MYO1F: variants seen among roughly 807,000 people sequenced by gnomAD.
The protein encoded by MYO1F is myosin IF, also known as unconventional myosin-If.
In MYO1F, 60 loss-of-function variants were observed where a neutral mutation model predicts 146.6. That is an observed-to-expected ratio of 0.41 (90% confidence interval 0.33 to 0.51). The LOEUF (loss-of-function observed/expected upper bound fraction) is 0.51. Among genes scored for constraint, MYO1F ranks in the 20% least tolerant of loss-of-function variants. The pLI, the probability that MYO1F is intolerant of heterozygous loss-of-function variation, is 0.25. For synonymous variants in MYO1F, 602 were observed against 602.1 expected (o/e 1.00, Z 0.00); for missense variants, 1,274 against 1,534.3 (o/e 0.83, Z 2.83).
intron 17 of MYO1F, 97 bp downstream of exon 17, chr19:8,536,852 G>A (rs1018708343): frequency 3.5e-6 from 3 of 853,746 alleles, no homozygotes; most frequent in African/African-American, 1.7e-5. Context: ...TAGTCCCTGG[G>A]TCATCCTACA....
At chr19:8,546,801 C>T (rs1281034575) in intron 12 of MYO1F, among the ~76,000 whole-genome samples, 1 of 152,210 alleles carries the variant, frequency 6.6e-6, no homozygotes. Context: ...GCCTCAGACT[C>T]CTGAGTAGCT....
intron 1 of MYO1F, among the ~76,000 whole-genome samples, chr19:8,574,577 T>TTCTTTCTTTCTCTC (rs1335184271): frequency 1.3e-3 from 107 of 79,734 alleles, no homozygotes; most frequent in South Asian, 2.9e-3. Flanking sequence ...CTTTCTTTCT[T>TTCTTTCTTTCTCTC]TCTCTCTCTC....
chr19:8,553,890 A>ACT (rs750034709), intron 4 of MYO1F, among the ~76,000 whole-genome samples: 18 of 57,820 alleles, frequency 3.1e-4, no homozygotes, highest in Non-Finnish European at 4.4e-4. Context: ...ACACACACAC[A>ACT]CACACTCTCT....
chr19:8,548,527 C>A (rs958726781), intron 10 of MYO1F, among the ~76,000 whole-genome samples: 9 of 152,070 alleles, frequency 5.9e-5, no homozygotes, highest in African/African-American at 2.2e-4. Context: ...ACCCAAGTGT[C>A]AGTGTATCAG....
At chr19:8,558,209 G>GC (rs1973937083) in intron 1 of MYO1F, among the ~76,000 whole-genome samples, 1 of 151,892 alleles carries the variant, frequency 6.6e-6, no homozygotes, top group African/African-American at 2.4e-5. Flanking sequence ...TGTCACCCAG[G>GC]CTGGAGTGCA....
At position 8,529,985 on chromosome 19, in the gene MYO1F, G is replaced by C. The variant is rs1972414213; in HGVS notation, c.2328+211C>G. 3 of 681,984 alleles carry C rather than the reference G, an allele frequency of 4.4e-6. No homozygotes were observed. The Admixed American group carries it at 6.4e-5, about 15-fold the overall frequency. 42.2% of individuals were successfully genotyped at this position (681,984 alleles called of 1,614,324 possible). On this transcript the variant is annotated intron_variant, in intron 21 of 27. Transcript: ENST00000644032. ...CCTATGGACAGGTGTGTCTGTGCCA[G>C]GTGAGGGTATACCTGTGATGGAACA...
intron 1 of MYO1F, among the ~76,000 whole-genome samples, chr19:8,565,004 C>G (rs942245034): frequency 2.0e-5 from 3 of 151,958 alleles, no homozygotes; most frequent in African/African-American, 7.2e-5. Flanking sequence ...AACTCCCAAC[C>G]TCAGGTGATC....
In MYO1F at chr19:8,544,476, G is replaced by A. The variant is rs1599959340; in HGVS notation, c.1357-12C>T. 2.5e-6 allele frequency: 4 copies of A among 1,604,146 alleles called. No homozygotes were observed. The highest frequency in any genetic ancestry group is 2.2e-5 in the East Asian group (1 of 44,800). On this transcript the variant is annotated splice_polypyrimidine_tract_variant and intron_variant, in intron 13 of 27. Coordinates refer to ENST00000644032, the MANE Select transcript of MYO1F (RefSeq NM_012335.4). ...ATGCCTGGGGGGCTCTGCGGGGCGA[G>A]CGGGAGCCAGCAGCGGCTCAGTTTG...
intron 14 of MYO1F, among the ~76,000 whole-genome samples, chr19:8,542,824 C>T (rs1203740976): frequency 2.6e-5 from 4 of 151,158 alleles, no homozygotes; most frequent in East Asian, 2.0e-4. Context: ...AGGATGGTCT[C>T]GATCTCCTGA....
At chr19:8,528,583 A>G (rs1972360731) in intron 21 of MYO1F, among the ~76,000 whole-genome samples, 2 of 149,798 alleles carry the variant, frequency 1.3e-5, no homozygotes, top group South Asian at 2.1e-4. Flanking sequence ...AAAGAAAAAC[A>G]AAAAAGAAAC....
chr19:8,536,344 G>A lies in MYO1F; in HGVS notation c.1951C>T (p.Gln651Ter). The stretch of plus-strand genomic sequence containing the variant: ...GCCCGAAGCAGGTGCTGGACGCCCT[G>A]GCGTTCGTCCCCACGCCACCGCGGC... ...TWPRWRGDER[Q>*]GVQHLLRAVN... Residue 651 changes from glutamine (Q) to a stop codon, truncating the protein, a stop_gained, in exon 19 of 28, where the codon CAG becomes TAG. Coordinates refer to ENST00000644032, the MANE Select transcript of MYO1F (RefSeq NM_012335.4). LOFTEE classifies it high-confidence loss of function. 2 of 1,607,176 alleles carry A rather than the reference G, an allele frequency of 1.2e-6. No homozygotes were observed. Among genetic ancestry groups the A allele is most frequent in the Non-Finnish European group, 1.7e-6 (2 of 1,179,916 alleles).
chr19:8,531,023 A>G (rs1026985220), intron 19 of MYO1F, among the ~76,000 whole-genome samples: 10 of 151,902 alleles, frequency 6.6e-5, no homozygotes, highest in African/African-American at 2.2e-4. Context: ...CAGCCTGGAC[A>G]ACAAGAGTGA....
chr19:8,561,468 CTCTT>C (rs145645587), intron 1 of MYO1F, among the ~76,000 whole-genome samples: 6,898 of 128,532 alleles, frequency 0.054, 268 homozygotes, highest in South Asian at 0.13. Context: ...CCCTCTCTCT[CTCTT>C]TCTTTTTCTC....
chr19:8,543,687 G>GGTGGTGC (rs1973096307), intron 14 of MYO1F, among the ~76,000 whole-genome samples: 12 of 48,656 alleles, frequency 2.5e-4, no homozygotes, highest in African/African-American at 1.5e-3. Context: ...GGTGGTGGTG[G>GGTGGTGC]TGGTGGTGGT....
intron 1 of MYO1F, among the ~76,000 whole-genome samples, chr19:8,558,383 C>CT (rs1354056374): frequency 6.6e-6 from 1 of 151,930 alleles, no homozygotes; most frequent in Admixed American, 6.6e-5. Flanking sequence ...TCAGGCTGGT[C>CT]TTTAACTTCT....
At chr19:8,545,177 TC>T (rs1973289748) in intron 13 of MYO1F, among the ~76,000 whole-genome samples, 1 of 152,070 alleles carries the variant, frequency 6.6e-6, no homozygotes, top group African/African-American at 2.4e-5. Context: ...ACCCTTGACT[TC>T]CTGGGCTCAA....
At chr19:8,545,883 T>C in intron 12 of MYO1F, 147 bp from the exon 13 acceptor site, 1 of 695,696 alleles carries the variant, frequency 1.4e-6, no homozygotes, top group East Asian at 2.6e-5. Flanking sequence ...AGGCTGGAAG[T>C]GCCAGGGAAT....
intron 1 of MYO1F, among the ~76,000 whole-genome samples, chr19:8,565,464 C>A (rs1017673773): frequency 6.6e-6 from 1 of 151,862 alleles, no homozygotes; most frequent in East Asian, 2.0e-4. Flanking sequence ...ATAGCTTGAA[C>A]CTGGGAGGCA....
chr19:8,556,277 G>A (rs1460662998), intron 1 of MYO1F, among the ~76,000 whole-genome samples: 4 of 150,330 alleles, frequency 2.7e-5, no homozygotes, highest in Admixed American at 6.6e-5. Context: ...TGATCCACCC[G>A]CCTCAGGCTC....
Sources: gnomAD v4.1 joint callset for allele counts (sites outside exome capture counted in the v4.1 genomes callset) on GRCh38, gnomAD v4.1.1 for gene constraint, MANE v1.5 for transcripts, NCBI Gene and HGNC (gene_info 2026-07-23, HGNC 2026-07-21) for gene names.